Variants in NGFR observed in about 807,000 individuals in gnomAD.
The protein encoded by NGFR is nerve growth factor receptor.
In NGFR, 30 loss-of-function variants were observed where a neutral mutation model predicts 43.2. The observed-to-expected ratio is 0.69, with a 90% CI of 0.52 to 0.94. The LOEUF is 0.94. Among genes scored for constraint, NGFR ranks in the 40% least tolerant of loss-of-function variants. The pLI, the probability that NGFR is intolerant of heterozygous loss-of-function variation, is 0.00. For missense variants in NGFR, 529 were observed against 602.5 expected, an observed-to-expected ratio of 0.88 and a Z score of 1.28; for synonymous variants, 246 against 259.6, an observed-to-expected ratio of 0.95 and a Z score of 0.50.
chr17:49,502,815 T>TTCCTTCCTTC (rs1555564722), intron 2 of NGFR, among the ~76,000 whole-genome samples: 5 of 121,590 alleles, frequency 4.1e-5, no homozygotes, highest in Middle Eastern at 3.9e-3. Flanking sequence ...GCCTGGGATT[T>TTCCTTCCTTC]CTTCCTTCCT....
intron 2 of NGFR, among the ~76,000 whole-genome samples, chr17:49,504,434 G>A (rs539313825): frequency 5.8e-4 from 88 of 152,220 alleles, no homozygotes; most frequent in African/African-American, 1.9e-3. Flanking sequence ...TGTCCTCATC[G>A]CTCTCCACCC....
At chr17:49,506,701 T>TGGGGGGGGGGGGCCCGG in intron 3 of NGFR, 43 bp downstream of exon 3, 1 of 148,986 alleles carries the variant, frequency 6.7e-6, no homozygotes. Context: ...GGTGCGGGGG[T>TGGGGGGGGGGGGCCCGG]GGGCTGGGGG....
At chr17:49,507,383 G>C (rs530028815) in intron 3 of NGFR, among the ~76,000 whole-genome samples, 1 of 152,280 alleles carries the variant, frequency 6.6e-6, no homozygotes, top group African/African-American at 2.4e-5. Flanking sequence ...CACTAAGGAG[G>C]GGCTCTGTGG....
chr17:49,506,072 G>A (rs956363760), intron 2 of NGFR: 12 of 789,062 alleles, frequency 1.5e-5, no homozygotes, highest in African/African-American at 1.1e-4. Context: ...CAGTGCTTCT[G>A]GAGCCTGGAG....
chr17:49,501,999 A>AGCGCCCCCCCCCCC, intron 1 of NGFR, 64 bp from the exon 2 acceptor site: 1 of 330,982 alleles, frequency 3.0e-6, no homozygotes, highest in Non-Finnish European at 5.9e-6. Flanking sequence ...TCCCCGGAAG[A>AGCGCCCCCCCCCCC]ACCCCCCCCA....
chr17:49,512,836 G>C lies in NGFR; in HGVS notation c.1111G>C (p.Glu371Gln). The change falls in exon 6 of 6, where the codon GAG (glutamate) becomes CAG (glutamine). Residue 371 changes from glutamate to glutamine, a missense_variant. Physicochemically the swap from Glu to Gln is conservative, Grantham distance 29 (BLOSUM62 2). Coordinates refer to ENST00000172229, the MANE Select transcript of NGFR (RefSeq NM_002507.4). This position sits in a 1 kb window ranked among gnomAD's most constrained non-coding sequence, Gnocchi z 5.2. ...HLAGELGYQP[E>Q]HIDSFTHEAC... is the part of the protein sequence containing the mutation. ...GGCGGGCGAGCTGGGCTACCAGCCC[G>C]AGCACATAGACTCCTTTACCCATGA... is the stretch of plus-strand genomic sequence containing the variant. 6.2e-7 allele frequency: 1 copy of C among 1,613,468 alleles called. No homozygotes were observed. The highest frequency in any genetic ancestry group is 8.5e-7 in the Non-Finnish European group (1 of 1,179,974).
Position 49,495,354 on chromosome 17 carries a change from G to T in NGFR, c.-64G>T, listed in dbSNP as rs1446849869. ...GGGGGGCGCTGGAGCGCAGCGCAGCGCAGCCCCATCAGTCCGCAAAGCGGA... is the reference window on the plus strand; with the variant it reads ...GGGGGGCGCTGGAGCGCAGCGCAGCTCAGCCCCATCAGTCCGCAAAGCGGA... On this transcript the variant is annotated 5_prime_UTR_variant, in exon 1 of 6. Transcript: ENST00000172229. This position sits in a 1 kb window ranked among gnomAD's most constrained non-coding sequence, Gnocchi z 6.4. 8.6e-7 allele frequency: 1 copy of T among 1,157,070 alleles called. No homozygotes were observed. Among genetic ancestry groups the T allele is most frequent in the Admixed American group, 4.3e-5 (1 of 23,350 alleles). 71.7% of individuals were successfully genotyped at this position (1,157,070 alleles called of 1,614,324 possible).
intron 1 of NGFR, among the ~76,000 whole-genome samples, chr17:49,501,466 G>A (rs1018346416): frequency 1.3e-5 from 2 of 152,244 alleles, no homozygotes; most frequent in African/African-American, 4.8e-5. Flanking sequence ...GTAGAGTCAG[G>A]ATTCAAACCC....
In NGFR at chr17:49,495,532, C is replaced by T; in HGVS notation, c.66+49C>T. ...CGCTCCCTTTCCCGGGATCAGAACT[C>T]CGAGAAGAGCCGGGCGCCGCCACCA... is the stretch of plus-strand genomic sequence containing the variant. On this transcript the variant is annotated intron_variant, in intron 1 of 5. Coordinates refer to ENST00000172229, the MANE Select transcript of NGFR (RefSeq NM_002507.4). The surrounding 1 kb of genome is among the most constrained non-coding windows in gnomAD (Gnocchi z 6.4). 8.3e-7 allele frequency: 1 copy of T among 1,210,178 alleles called. No individual in the cohort carries two copies. The highest frequency in any genetic ancestry group is 1.0e-6 in the Non-Finnish European group (1 of 965,726). 75.0% of individuals were successfully genotyped at this position (1,210,178 alleles called of 1,614,324 possible).
In NGFR at chr17:49,512,062, G is replaced by T. The variant is rs758870758; in HGVS notation, c.982+10G>T. Reference sequence around the variant, plus strand: ...ACAGCCTCGGGCCAGGGTGAGCAGCGGCCCGCTGGGGAGCTGAGGCGGAGC... The same window carrying T: ...ACAGCCTCGGGCCAGGGTGAGCAGCTGCCCGCTGGGGAGCTGAGGCGGAGC... On this transcript the variant is annotated intron_variant, in intron 5 of 5. Coordinates refer to ENST00000172229, the MANE Select transcript of NGFR (RefSeq NM_002507.4). This position sits in a 1 kb window ranked among gnomAD's most constrained non-coding sequence, Gnocchi z 5.2. The T allele has an allele frequency of 2.5e-6, 4 of 1,610,494 alleles. No homozygotes were observed. Among genetic ancestry groups the T allele is most frequent in the East Asian group, 2.2e-5 (1 of 44,768 alleles).
intron 2 of NGFR, among the ~76,000 whole-genome samples, chr17:49,502,948 T>C (rs932570712): frequency 6.6e-6 from 1 of 151,832 alleles, no homozygotes; most frequent in East Asian, 1.9e-4. Context: ...AGAGTTTTGC[T>C]CTGTTGCCCA....
chr17:49,512,754 G>A lies in NGFR; in HGVS notation c.1029G>A (p.Lys343=). Residue 343 remains lysine, a synonymous_variant, in exon 6 of 6, where the codon AAG becomes AAA. Transcript: ENST00000172229. The surrounding 1 kb of genome is among the most constrained non-coding windows in gnomAD (Gnocchi z 5.2). ...TCTACAGCAGCCTGCCCCCAGCCAA[G>A]CGGGAGGAGGTGGAGAAGCTTCTCA... ...GGLYSSLPPA[K]REEVEKLLNG... 1 of 1,612,756 alleles carries A rather than the reference G, an allele frequency of 6.2e-7. No homozygotes were observed. Among genetic ancestry groups the A allele is most frequent in the Non-Finnish European group, 8.5e-7 (1 of 1,179,694 alleles).
At chr17:49,510,366 A>AG in intron 3 of NGFR, 46 bp from the exon 4 acceptor site, 4 of 1,603,404 alleles carry the variant, frequency 2.5e-6, no homozygotes, top group Non-Finnish European at 3.4e-6. Context: ...GCTAAAAGGG[A>AG]GGAGTGGGGG....
rs1702813854 is a variant in NGFR, at chr17:49,495,738, T to TG, written c.66+260dup. 3.0e-6 allele frequency: 1 copy of TG among 327,904 alleles called. No individual in the cohort carries two copies. Among genetic ancestry groups the TG allele is most frequent in the South Asian group, 1.6e-4 (1 of 6,086 alleles). The allele number at this position is 327,904 out of a possible 1,614,324, so 20.3% of individuals were successfully genotyped here. A position where few individuals can be genotyped will look rare whatever the true frequency, so the allele number is the denominator to read the frequency against. On this transcript the variant is annotated intron_variant, in intron 1 of 5. Transcript: ENST00000172229. The surrounding 1 kb of genome is among the most constrained non-coding windows in gnomAD (Gnocchi z 6.4). ...GGTCCTCAGGTACCGCAGGGGGCGG[T>TG]GGGGGAGCTGGGAGGGGTCTTTCAA... is the stretch of plus-strand genomic sequence containing the variant.
At position 49,513,873 on chromosome 17, in the gene NGFR, G is replaced by A. The variant is rs118191575; in HGVS notation, c.*864G>A. 1,322 of 152,550 alleles carry A rather than the reference G, an allele frequency of 8.7e-3. 59 individuals are homozygous for A. Among genetic ancestry groups the A allele is most frequent in the Admixed American group, 0.061 (928 of 15,308 alleles). 9.4% of individuals were successfully genotyped at this position (152,550 alleles called of 1,614,324 possible). On this transcript the variant is annotated 3_prime_UTR_variant, in exon 6 of 6. Transcript: ENST00000172229. ...GGTCCATGATGGAGTCAGGTTTGGG[G>A]TTCGTGGAAAGGGTGCTGCTTCCCT...
In NGFR at chr17:49,512,107, G is replaced by A. The variant is rs569580846; in HGVS notation, c.982+55G>A. 2.4e-5 allele frequency: 38 copies of A among 1,582,276 alleles called. No individual in the cohort carries two copies. In the South Asian group the frequency reaches 3.5e-4, roughly 15 times the overall value. On this transcript the variant is annotated intron_variant, in intron 5 of 5. Coordinates refer to ENST00000172229, the MANE Select transcript of NGFR (RefSeq NM_002507.4). The surrounding 1 kb of genome is among the most constrained non-coding windows in gnomAD (Gnocchi z 5.2). ...CGGAGCTGAGGCTGAGGAAACAGAA[G>A]CAATTAAGATTAGACTCCAGGAAGG... is the stretch of plus-strand genomic sequence containing the variant.
chr17:49,507,294 C>T (rs2071205712), intron 3 of NGFR, among the ~76,000 whole-genome samples: 2 of 152,164 alleles, frequency 1.3e-5, no homozygotes, highest in Admixed American at 1.3e-4. Context: ...GTGGGGCTGG[C>T]CCACTTCAGC....
chr17:49,510,050 G>A (rs2071221533), intron 3 of NGFR, among the ~76,000 whole-genome samples: 2 of 152,154 alleles, frequency 1.3e-5, no homozygotes, highest in Non-Finnish European at 2.9e-5. Context: ...GCCTCTCTAG[G>A]TACTCAGGAG....
At chr17:49,506,902 A>C (rs1052330382) in intron 3 of NGFR, among the ~76,000 whole-genome samples, 3 of 152,060 alleles carry the variant, frequency 2.0e-5, no homozygotes, top group African/African-American at 7.2e-5. Context: ...GGCTGTTTGG[A>C]AAGTGGGCGT....
Sources: gnomAD v4.1 joint callset for allele counts (sites outside exome capture counted in the v4.1 genomes callset) on GRCh38, gnomAD v4.1.1 for gene constraint, Gnocchi (gnomAD v3.1) non-coding constraint, MANE v1.5 for transcripts, NCBI Gene and HGNC (gene_info 2026-07-23, HGNC 2026-07-21) for gene names.